NKAIN3: variants seen among roughly 807,000 people sequenced by gnomAD.
The protein encoded by NKAIN3 is sodium/potassium transporting ATPase interacting 3.
A neutral mutation model predicts 30.2 loss-of-function variants in NKAIN3; 25 were observed. That is an observed-to-expected ratio of 0.83 (90% confidence interval 0.60 to 1.16). NKAIN3 has a LOEUF of 1.16. Among genes scored for constraint, NKAIN3 ranks in the 50% most tolerant of loss-of-function variants. The pLI, the probability that NKAIN3 is intolerant of heterozygous loss-of-function variation, is 0.00. For synonymous variants in NKAIN3, 91 were observed against 89.6 expected (o/e 1.02, Z -0.09); for missense variants, 225 against 254.1 (o/e 0.89, Z 0.78).
Position 62,886,228 on chromosome 8 carries a change from A to G in NKAIN3, c.472-32225A>G, listed in dbSNP as rs150525296. Reference sequence around the variant, plus strand: ...CACAACAATTTCATGTCCACTTTCAAATAACACTATACCAGTTCCCAGGTA... The same window carrying G: ...CACAACAATTTCATGTCCACTTTCAGATAACACTATACCAGTTCCCAGGTA... On this transcript the variant is annotated intron_variant, in intron 4 of 6. Coordinates refer to ENST00000623646, the MANE Select transcript of NKAIN3 (RefSeq NM_001304533.3). Among the ~76,000 whole-genome samples, 6 of 152,146 alleles carry G rather than the reference A, an allele frequency of 3.9e-5. No individual in the cohort carries two copies. The East Asian group carries it at 1.2e-3, about 29-fold the overall frequency.
intron 6 of NKAIN3, among the ~76,000 whole-genome samples, chr8:62,963,141 A>T (rs1230677485): frequency 6.6e-6 from 1 of 151,988 alleles, no homozygotes; most frequent in African/African-American, 2.4e-5. Context: ...GATCCACCAG[A>T]CTCAGCCTCC....
intron 3 of NKAIN3, among the ~76,000 whole-genome samples, chr8:62,733,120 T>C (rs952137391): frequency 1.3e-5 from 2 of 152,130 alleles, no homozygotes; most frequent in African/African-American, 4.8e-5. Flanking sequence ...CCTAAACTTT[T>C]ACCACCCACA....
intron 3 of NKAIN3, among the ~76,000 whole-genome samples, chr8:62,698,030 C>T (rs972631231): frequency 4.0e-5 from 6 of 151,714 alleles, no homozygotes; most frequent in African/African-American, 1.5e-4. Flanking sequence ...ATTTCAAAAA[C>T]AATTATTGAA....
Position 62,248,946 on chromosome 8 carries a change from G to T in NKAIN3, c.-128G>T. Reference sequence around the variant, plus strand: ...GGCGCGAGCCCCGAGCCCTGGAGCCGCGAGCGGCGGCCGCGGGGCCGAGGA... The same window carrying T: ...GGCGCGAGCCCCGAGCCCTGGAGCCTCGAGCGGCGGCCGCGGGGCCGAGGA... On this transcript the variant is annotated 5_prime_UTR_variant, in exon 1 of 7. Transcript: ENST00000623646. 2.4e-6 allele frequency: 2 copies of T among 816,352 alleles called. No individual in the cohort carries two copies. The highest frequency in any genetic ancestry group is 1.8e-5 in the African/African-American group (1 of 55,206). The allele number at this position is 816,352 out of a possible 1,614,324, so 50.6% of individuals were successfully genotyped here. A position where few individuals can be genotyped will look rare whatever the true frequency, so the allele number is the denominator to read the frequency against.
chr8:62,543,442 G>A (rs375153045), intron 1 of NKAIN3, among the ~76,000 whole-genome samples: 2 of 152,126 alleles, frequency 1.3e-5, no homozygotes, highest in African/African-American at 2.4e-5. Flanking sequence ...TAAATAGTGG[G>A]TCAGAGGCAG....
intron 1 of NKAIN3, among the ~76,000 whole-genome samples, chr8:62,463,420 T>C (rs1382341903): frequency 6.6e-6 from 1 of 152,200 alleles, no homozygotes; most frequent in Non-Finnish European, 1.5e-5. Flanking sequence ...ATTATAACAG[T>C]GCTTTTTAAG....
intron 4 of NKAIN3, among the ~76,000 whole-genome samples, chr8:62,897,373 T>A (rs981866526): frequency 1.9e-3 from 283 of 151,214 alleles, no homozygotes; most frequent in African/African-American, 6.6e-3. Context: ...TGGTGTAATT[T>A]TTTTTTTTCA....
At chr8:62,381,824 A>C (rs1817289759) in intron 1 of NKAIN3, among the ~76,000 whole-genome samples, 1 of 152,130 alleles carries the variant, frequency 6.6e-6, no homozygotes, top group Non-Finnish European at 1.5e-5. Flanking sequence ...ATATCTTCTT[A>C]ATATTTTTAC....
intron 2 of NKAIN3, among the ~76,000 whole-genome samples, chr8:62,585,119 C>T (rs1810428788): frequency 6.6e-6 from 1 of 152,168 alleles, no homozygotes; most frequent in Non-Finnish European, 1.5e-5. Flanking sequence ...TCAGCCTGAA[C>T]TTGGTTGAGG....
At chr8:62,637,025 T>A (rs560124913) in intron 3 of NKAIN3, among the ~76,000 whole-genome samples, 2 of 152,208 alleles carry the variant, frequency 1.3e-5, no homozygotes, top group South Asian at 4.1e-4. Flanking sequence ...CAGCTATCAG[T>A]TTTTTCTGAA....
chr8:62,892,509 G>GAAT (rs748256484), intron 4 of NKAIN3, among the ~76,000 whole-genome samples: 1 of 152,104 alleles, frequency 6.6e-6, no homozygotes, highest in Non-Finnish European at 1.5e-5. Context: ...GTACCCTAGT[G>GAAT]AAATGCTGAA....
chr8:62,319,322 T>C (rs1301955940), intron 1 of NKAIN3, among the ~76,000 whole-genome samples: 2 of 152,326 alleles, frequency 1.3e-5, no homozygotes, highest in East Asian at 3.9e-4. Context: ...TTTTTGTGTC[T>C]CTGTTTTCTT....
At chr8:62,965,169 C>G (rs1391671462) in intron 6 of NKAIN3, among the ~76,000 whole-genome samples, 185 bp from the exon 7 acceptor site, 1 of 152,090 alleles carries the variant, frequency 6.6e-6, no homozygotes, top group East Asian at 1.9e-4. Flanking sequence ...ATGATGATGC[C>G]CGATTACCAT....
intron 1 of NKAIN3, among the ~76,000 whole-genome samples, chr8:62,363,647 A>G (rs1816632793): frequency 6.6e-6 from 1 of 152,212 alleles, no homozygotes. Flanking sequence ...ATACAAAAAA[A>G]GTATGTTACA....
chr8:62,465,440 C>CA (rs1211566107), intron 1 of NKAIN3, among the ~76,000 whole-genome samples: 5 of 152,156 alleles, frequency 3.3e-5, no homozygotes, highest in Admixed American at 6.5e-5. Flanking sequence ...ATATCTGCAA[C>CA]AAAAAATCAT....
intron 4 of NKAIN3, among the ~76,000 whole-genome samples, chr8:62,883,457 G>GTTGTTGTTGTTTTTTTTTTTTTTTTT: frequency 4.3e-5 from 3 of 70,226 alleles, no homozygotes; most frequent in Non-Finnish European, 7.2e-5. Flanking sequence ...AGTTTTATGG[G>GTTGTTGTTGTTTTTTTTTTTTTTTTT]TTTTTTTTTT....
intron 1 of NKAIN3, among the ~76,000 whole-genome samples, chr8:62,275,468 A>G (rs1812917700): frequency 2.6e-5 from 4 of 152,142 alleles, no homozygotes; most frequent in Non-Finnish European, 1.5e-5. Context: ...TTTCTCTGTT[A>G]TTTCCCCCAC....
intron 1 of NKAIN3, among the ~76,000 whole-genome samples, chr8:62,362,983 G>A (rs1013260493): frequency 2.0e-5 from 3 of 152,240 alleles, no homozygotes; most frequent in Non-Finnish European, 4.4e-5. Context: ...TGTTACAGGC[G>A]TACACTCCTA....
intron 1 of NKAIN3, among the ~76,000 whole-genome samples, chr8:62,533,224 G>C (rs1808541451): frequency 6.6e-6 from 1 of 152,198 alleles, no homozygotes; most frequent in African/African-American, 2.4e-5. Flanking sequence ...ATGTGCCTTT[G>C]AGTAAGCACC....
Sources: allele counts gnomAD v4.1 joint callset (sites outside exome capture counted in the v4.1 genomes callset), GRCh38; gene constraint gnomAD v4.1.1; transcripts MANE v1.5; gene names NCBI Gene and HGNC (gene_info 2026-07-23, HGNC 2026-07-21).